The following DAB2IP variants were observed in gnomAD, a reference collection of about 807,000 sequenced individuals.
DAB2IP encodes the protein disabled homolog 2-interacting protein.
Under a neutral mutation model 107.2 loss-of-function variants are expected in DAB2IP, and 28 were observed. The ratio of observed to expected loss-of-function variants is 0.26; its 90% CI spans 0.19 to 0.36. The LOEUF is 0.36. Among genes scored for constraint, DAB2IP ranks in the 10% least tolerant of loss-of-function variants. The pLI, the probability that DAB2IP is intolerant of heterozygous loss-of-function variation, is 1.00. For synonymous variants in DAB2IP, 755 were observed against 706.4 expected (o/e 1.07, Z -1.09); for missense variants, 1,400 against 1,644.7 (o/e 0.85, Z 2.57).
At chr9:121,644,221 G>GAGGAAA (rs77380597) in intron 1 of DAB2IP, among the ~76,000 whole-genome samples, 64 of 151,422 alleles carry the variant, frequency 4.2e-4, no homozygotes, top group Admixed American at 4.2e-3. Flanking sequence ...GGAAGAGGAA[G>GAGGAAA]GGGAAGGGGA....
chr9:121,657,041 T>G lies in DAB2IP; in HGVS notation c.124+5142T>G, dbSNP rs144825599. 2.4e-4 allele frequency among the ~76,000 whole-genome samples: 37 copies of G among 152,214 alleles called. No individual in the cohort carries two copies. In the East Asian group the frequency reaches 7.1e-3, roughly 29 times the overall value. On this transcript the variant is annotated intron_variant, in intron 1 of 15. Coordinates refer to ENST00000408936, the Ensembl canonical transcript of DAB2IP. The stretch of plus-strand genomic sequence containing the variant: ...AAAGCTTGGGAGGGAGGCAGGGGAG[T>G]GGCCCCGTTGGCATCTGGTTGCCTC...
intron 2 of DAB2IP, among the ~76,000 whole-genome samples, chr9:121,680,726 T>C (rs2119141545): frequency 7.0e-6 from 1 of 143,690 alleles, no homozygotes; most frequent in African/African-American, 2.7e-5. Flanking sequence ...CCTACATCCC[T>C]GATCTCTTTT....
At chr9:121,621,322 G>T (rs1831456240) in intron 1 of DAB2IP, among the ~76,000 whole-genome samples, 1 of 152,166 alleles carries the variant, frequency 6.6e-6, no homozygotes, top group Non-Finnish European at 1.5e-5. Flanking sequence ...TTTTCCCTGA[G>T]ATATAATCCA....
intron 10 of DAB2IP, 55 bp from the exon 11 acceptor site, chr9:121,770,491 A>G (rs1564220448): frequency 1.3e-6 from 2 of 1,576,750 alleles, no homozygotes; most frequent in East Asian, 4.5e-5. Flanking sequence ...CAGCACATAC[A>G]GCCTACCCAT....
intron 1 of DAB2IP, among the ~76,000 whole-genome samples, chr9:121,672,684 C>T (rs1227947348): frequency 6.6e-6 from 1 of 152,166 alleles, no homozygotes; most frequent in Non-Finnish European, 1.5e-5. Context: ...ACATAGAAGT[C>T]ATGCAATGAG....
chr9:121,584,443 A>G (rs1830272118), intron 1 of DAB2IP, among the ~76,000 whole-genome samples: 1 of 151,952 alleles, frequency 6.6e-6, no homozygotes, highest in Non-Finnish European at 1.5e-5. Context: ...TGGGAGTTCC[A>G]TGGCTCAAGT....
chr9:121,783,690 T>G (rs1835816719), exon 16 of DAB2IP: 1 of 1,131,236 alleles, frequency 8.8e-7, no homozygotes, highest in Non-Finnish European at 1.3e-6. Flanking sequence ...CCCGTGTGTG[T>G]GGCCGGCCTC....
chr9:121,671,363 CATT>C (rs1452581086), intron 1 of DAB2IP, among the ~76,000 whole-genome samples: 6 of 152,132 alleles, frequency 3.9e-5, no homozygotes, highest in Non-Finnish European at 7.4e-5. Flanking sequence ...AAATTCTTAT[CATT>C]AGATTATTCT....
intron 3 of DAB2IP, among the ~76,000 whole-genome samples, chr9:121,711,854 T>A (rs1420510521): frequency 2.0e-5 from 3 of 151,488 alleles, no homozygotes; most frequent in African/African-American, 7.3e-5. Context: ...GGTGTAGGGG[T>A]TTATTCCCCT....
chr9:121,616,432 G>A (rs1201968862), intron 1 of DAB2IP, among the ~76,000 whole-genome samples: 1 of 152,166 alleles, frequency 6.6e-6, no homozygotes, highest in Admixed American at 6.5e-5. Flanking sequence ...GCTTCTGAAC[G>A]TTTCTTAGGG....
At chr9:121,678,837 C>T (rs1049578177) in intron 2 of DAB2IP, 56 bp downstream of exon 2, 71 of 1,466,854 alleles carry the variant, frequency 4.8e-5, no homozygotes, top group African/African-American at 8.5e-5. Flanking sequence ...CCACCTCGCC[C>T]GGGGTGCTGC....
At chr9:121,751,057 T>G (rs1431753929) in intron 3 of DAB2IP, 1 of 189,074 alleles carries the variant, frequency 5.3e-6, no homozygotes, top group Non-Finnish European at 1.1e-5. Context: ...TCACAGCTAG[T>G]GGGTTAGCTG....
At chr9:121,577,434 G>A (rs1037210528) in intron 1 of DAB2IP, among the ~76,000 whole-genome samples, 1 of 152,254 alleles carries the variant, frequency 6.6e-6, no homozygotes, top group Non-Finnish European at 1.5e-5. Context: ...GCAGGCGTGC[G>A]TGAGTGCAGG....
At chr9:121,605,083 G>A (rs955325963) in intron 1 of DAB2IP, among the ~76,000 whole-genome samples, 21 of 152,294 alleles carry the variant, frequency 1.4e-4, no homozygotes, top group African/African-American at 4.6e-4. Flanking sequence ...GCAGTGGCGC[G>A]ATCTTGACTC....
At chr9:121,583,260 G>T (rs74879934) in intron 1 of DAB2IP, among the ~76,000 whole-genome samples, 1 of 152,116 alleles carries the variant, frequency 6.6e-6, no homozygotes, top group Non-Finnish European at 1.5e-5. Context: ...GTGGTGGCAG[G>T]CGTCTGTGGT....
In DAB2IP at chr9:121,781,445, T is replaced by G; in HGVS notation, c.3315-19T>G. ...GCTGCCTCCAGGGCCAGTCTGACTG[T>G]CTCTGTCTCTGGCTATAGGTTGATG... On this transcript the variant is annotated intron_variant, in intron 14 of 15. Transcript: ENST00000408936. 1.2e-6 allele frequency: 2 copies of G among 1,613,408 alleles called. No homozygotes were observed. The highest frequency in any genetic ancestry group is 1.7e-6 in the Non-Finnish European group (2 of 1,179,548).
Position 121,646,109 on chromosome 9 carries a change from T to C in DAB2IP, c.41-32569T>C, listed in dbSNP as rs541052110. Among the ~76,000 whole-genome samples, 39 of 152,262 alleles carry C rather than the reference T, an allele frequency of 2.6e-4. No homozygotes were observed. The East Asian group carries it at 7.2e-3, about 28-fold the overall frequency. ...TCTCTGTGTGTTCAAATGTCCACGC[T>C]TGACTGGTCCCCCACTTCCGCCTGT... On this transcript the variant is annotated intron_variant, in intron 1 of 16. Coordinates refer to the DAB2IP transcript ENST00000259371.
Position 121,760,472 on chromosome 9 carries a change from CTGGGCGGCA to C in DAB2IP, c.1170+34_1170+42del. 1 of 1,541,832 alleles carries C rather than the reference CTGGGCGGCA, an allele frequency of 6.5e-7. No individual in the cohort carries two copies. The highest frequency in any genetic ancestry group is 8.7e-7 in the Non-Finnish European group (1 of 1,149,228). ...CAGGCCCCTCGGCTCCTGACACAGGCTGGGCGGCAGCACTGGGTTACCTGCCCTTCCTCA... is the reference window on the plus strand; with the variant it reads ...CAGGCCCCTCGGCTCCTGACACAGGCGCACTGGGTTACCTGCCCTTCCTCA... On this transcript the variant is annotated intron_variant, in intron 6 of 15. Transcript: ENST00000408936. The surrounding 1 kb of genome is among the most constrained non-coding windows in gnomAD (Gnocchi z 5.9).
chr9:121,758,877 T>A, intron 4 of DAB2IP, 21 bp from the exon 5 acceptor site: 1 of 1,608,956 alleles, frequency 6.2e-7, no homozygotes. Context: ...CTCATAACAC[T>A]GTCTTGCCTG....
Sources: allele counts gnomAD v4.1 joint callset (sites outside exome capture counted in the v4.1 genomes callset), GRCh38; gene constraint gnomAD v4.1.1; non-coding constraint Gnocchi (gnomAD v3.1); transcripts MANE v1.5; gene names NCBI Gene and HGNC (gene_info 2026-07-23, HGNC 2026-07-21).